The following MYO5B variants were observed in gnomAD, a reference collection of about 807,000 sequenced individuals.
MYO5B encodes myosin VB.
MYO5B carries 143 observed loss-of-function variants against 229.3 expected under a neutral mutation model. The observed-to-expected ratio is 0.62, with a 90% CI of 0.54 to 0.72. The LOEUF is 0.72. Ranked by LOEUF, MYO5B falls within the 30% of genes least tolerant of loss-of-function variation. The pLI is 0.00. For synonymous variants in MYO5B, 918 were observed against 885.2 expected (o/e 1.04, Z -0.66); for missense variants, 2,321 against 2,331.0 (o/e 1.00, Z 0.09).
At chr18:49,925,692 G>A (rs1004842938) in intron 17 of MYO5B, among the ~76,000 whole-genome samples, 4 of 152,190 alleles carry the variant, frequency 2.6e-5, no homozygotes, top group Admixed American at 2.6e-4. Context: ...GTGCAGCCAG[G>A]AGCAGGAGTG....
chr18:49,915,802 C>A (rs1232714004), intron 17 of MYO5B, among the ~76,000 whole-genome samples: 1 of 152,244 alleles, frequency 6.6e-6, no homozygotes, highest in Non-Finnish European at 1.5e-5. Context: ...AGCTGACAAA[C>A]TGCCCATCAG....
chr18:49,960,162 C>T (rs1219490754), intron 12 of MYO5B, among the ~76,000 whole-genome samples: 1 of 152,206 alleles, frequency 6.6e-6, no homozygotes, highest in Non-Finnish European at 1.5e-5. Flanking sequence ...CACTGCACAG[C>T]TTCCCCAAGA....
chr18:50,037,741 A>G (rs1271505173), intron 3 of MYO5B, among the ~76,000 whole-genome samples: 1 of 152,194 alleles, frequency 6.6e-6, no homozygotes, highest in Non-Finnish European at 1.5e-5. Context: ...CTCTACAAAA[A>G]AAGTATTAGC....
intron 21 of MYO5B, among the ~76,000 whole-genome samples, chr18:49,901,328 C>T (rs1397558605): frequency 6.6e-6 from 1 of 152,208 alleles, no homozygotes; most frequent in Non-Finnish European, 1.5e-5. Flanking sequence ...TGCATGCATA[C>T]ATGTGAGCCT....
intron 17 of MYO5B, among the ~76,000 whole-genome samples, chr18:49,923,224 C>T (rs576145343): frequency 2.6e-5 from 4 of 152,214 alleles, no homozygotes; most frequent in Non-Finnish European, 4.4e-5. Flanking sequence ...AGTTGCAGCT[C>T]CTCCTGCACT....
intron 14 of MYO5B, among the ~76,000 whole-genome samples, chr18:49,949,582 A>G (rs2025411339): frequency 6.6e-6 from 1 of 152,182 alleles, no homozygotes; most frequent in Non-Finnish European, 1.5e-5. Context: ...TTTGGTTGGT[A>G]GAGTATATGG....
chr18:49,839,061 C>T (rs1036847438), intron 36 of MYO5B, 83 bp downstream of exon 36: 60 of 1,567,264 alleles, frequency 3.8e-5, no homozygotes, highest in East Asian at 2.9e-4. Flanking sequence ...ATCTGGTTCC[C>T]GAAAGGCAGA....
At chr18:50,140,777 C>A (rs2032405738) in intron 1 of MYO5B, among the ~76,000 whole-genome samples, 1 of 152,162 alleles carries the variant, frequency 6.6e-6, no homozygotes, top group African/African-American at 2.4e-5. Context: ...ACACCAACTG[C>A]ACAAGTAGAC....
chr18:50,083,873 G>A (rs1216497525), intron 1 of MYO5B, among the ~76,000 whole-genome samples: 1 of 152,118 alleles, frequency 6.6e-6, no homozygotes, highest in Non-Finnish European at 1.5e-5. Flanking sequence ...CCACCCCAAG[G>A]AAGGTTTGCA....
intron 2 of MYO5B, among the ~76,000 whole-genome samples, chr18:50,048,658 A>C (rs1400753605): frequency 6.6e-6 from 1 of 152,182 alleles, no homozygotes; most frequent in Non-Finnish European, 1.5e-5. Flanking sequence ...TGAAGGTATC[A>C]TCTCTGCCAC....
At chr18:49,923,136 C>G (rs1419343241) in intron 17 of MYO5B, among the ~76,000 whole-genome samples, 4 of 152,194 alleles carry the variant, frequency 2.6e-5, no homozygotes, top group Non-Finnish European at 4.4e-5. Context: ...TGCCTCCTAG[C>G]ACCAGACATC....
At chr18:49,906,653 C>A in intron 18 of MYO5B, 23 bp from the exon 19 acceptor site, 1 of 1,598,716 alleles carries the variant, frequency 6.3e-7, no homozygotes, top group Non-Finnish European at 8.6e-7. Context: ...GGGAGGGGAT[C>A]TGGTTGGTCA....
intron 5 of MYO5B, among the ~76,000 whole-genome samples, chr18:49,993,857 T>C (rs1409077813): frequency 6.6e-6 from 1 of 152,194 alleles, no homozygotes; most frequent in Non-Finnish European, 1.5e-5. Context: ...AACGCTTCAG[T>C]GGCTTACACT....
chr18:50,169,628 T>C (rs75812457), intron 1 of MYO5B, among the ~76,000 whole-genome samples: 13,434 of 126,462 alleles, frequency 0.11, 3,827 homozygotes, highest in African/African-American at 0.2. Flanking sequence ...TGGAAGAGAC[T>C]AGAGAGAGAT....
intron 4 of MYO5B, 124 bp downstream of exon 4, chr18:50,036,726 C>T: frequency 8.6e-7 from 1 of 1,158,986 alleles, no homozygotes; most frequent in Non-Finnish European, 1.3e-6. Flanking sequence ...GCTTTGTTTC[C>T]AAGATGTTTC....
At chr18:49,882,047 A>C (rs1231215650) in intron 22 of MYO5B, among the ~76,000 whole-genome samples, 1 of 152,140 alleles carries the variant, frequency 6.6e-6, no homozygotes, top group Non-Finnish European at 1.5e-5. Flanking sequence ...GCTGTCAAGT[A>C]ATTTTCCCTA....
rs370132961 is a variant in MYO5B, at chr18:49,937,362, C to G, written c.1788G>C (p.Lys596Asn). 2.3e-5 allele frequency: 37 copies of G among 1,613,986 alleles called. No homozygotes were observed. Among genetic ancestry groups the G allele is most frequent in the Non-Finnish European group, 3.1e-5 (36 of 1,179,988 alleles). Residue 596 changes from lysine (K) to asparagine (N), a missense_variant, in exon 15 of 40, where the codon AAG (lysine) becomes AAC (asparagine). Coordinates refer to ENST00000285039, the MANE Select transcript of MYO5B (RefSeq NM_001080467.3). ...PLVADLFHDD[K>N]DPVPATTPGK... ...CAGGGGTGGTGGCAGGAACAGGGTC[C>G]TTGTCATCATGAAACAAGTCAGCCA...
chr18:50,029,428 C>T (rs1199928141), intron 4 of MYO5B, among the ~76,000 whole-genome samples: 2 of 152,212 alleles, frequency 1.3e-5, no homozygotes, highest in Non-Finnish European at 2.9e-5. Context: ...TTAAGCATCT[C>T]TTATACCTTG....
chr18:50,060,829 C>A (rs893422249), intron 1 of MYO5B, among the ~76,000 whole-genome samples: 2 of 152,182 alleles, frequency 1.3e-5, no homozygotes, highest in Non-Finnish European at 2.9e-5. Flanking sequence ...CATTGCCAGG[C>A]AACACCCCAT....
Sources: allele counts gnomAD v4.1 joint callset (sites outside exome capture counted in the v4.1 genomes callset), GRCh38; gene constraint gnomAD v4.1.1; transcripts MANE v1.5; gene names NCBI Gene and HGNC (gene_info 2026-07-23, HGNC 2026-07-21).